CPED1: variants seen among roughly 807,000 people sequenced by gnomAD.
The protein encoded by CPED1 is cadherin like and PC-esterase domain containing 1.
In CPED1, 114 loss-of-function variants were observed where a neutral mutation model predicts 128.2. The ratio of observed to expected loss-of-function variants is 0.89; its 90% CI spans 0.76 to 1.04. The LOEUF (loss-of-function observed/expected upper bound fraction) is 1.04, where lower values mean the gene tolerates loss of function less well. Ranked by LOEUF, CPED1 falls within the 50% of genes least tolerant of loss-of-function variation. The pLI is 0.00. For missense variants in CPED1, 1,211 were observed against 1,207.1 expected (o/e 1.00, Z -0.05); for synonymous variants, 462 against 426.7 (o/e 1.08, Z -1.02).
At chr7:120,997,629 G>A (rs1157123749) in intron 2 of CPED1, among the ~76,000 whole-genome samples, 1 of 152,144 alleles carries the variant, frequency 6.6e-6, no homozygotes, top group East Asian at 1.9e-4. Flanking sequence ...GGTGTTATAG[G>A]AAGGCAGTAG....
At chr7:121,155,701 C>A (rs1362893184) in intron 16 of CPED1, among the ~76,000 whole-genome samples, 2 of 152,082 alleles carry the variant, frequency 1.3e-5, no homozygotes, top group Non-Finnish European at 2.9e-5. Context: ...ATGCAAAAAT[C>A]AAATCAAAAT....
At chr7:121,001,958 T>C (rs1433248361) in intron 2 of CPED1, among the ~76,000 whole-genome samples, 1 of 151,908 alleles carries the variant, frequency 6.6e-6, no homozygotes, top group Non-Finnish European at 1.5e-5. Context: ...AATATTCTCA[T>C]TGCATTTGGT....
intron 16 of CPED1, among the ~76,000 whole-genome samples, chr7:121,227,925 T>G (rs936313165): frequency 6.6e-6 from 1 of 152,106 alleles, no homozygotes; most frequent in East Asian, 1.9e-4. Context: ...TTGCAAAATA[T>G]TTTTGGAATA....
chr7:121,066,040 T>A (rs1367089800), intron 5 of CPED1, among the ~76,000 whole-genome samples: 2 of 152,156 alleles, frequency 1.3e-5, no homozygotes, highest in Non-Finnish European at 2.9e-5. Flanking sequence ...TAATTCAATA[T>A]TCACAAAATT....
At chr7:121,236,614 C>A (rs55979631) in intron 16 of CPED1, 100 bp from the exon 17 acceptor site, 5 of 600,644 alleles carry the variant, frequency 8.3e-6, no homozygotes, top group African/African-American at 1.9e-5. Context: ...TCCCTTTTAT[C>A]CATAAAGGTT....
chr7:121,113,533 A>G (rs1795163886), intron 7 of CPED1, among the ~76,000 whole-genome samples: 1 of 152,236 alleles, frequency 6.6e-6, no homozygotes, highest in African/African-American at 2.4e-5. Flanking sequence ...CCAAGACAGC[A>G]TGAATCATGC....
At chr7:121,266,572 A>G (rs2116746432) in intron 19 of CPED1, 125 bp downstream of exon 19, 1 of 1,163,760 alleles carries the variant, frequency 8.6e-7, no homozygotes, top group East Asian at 2.4e-5. Context: ...CAAGTAAGGC[A>G]GCAGAAAACA....
intron 16 of CPED1, among the ~76,000 whole-genome samples, chr7:121,216,314 A>C (rs1228706721): frequency 6.6e-6 from 1 of 151,952 alleles, no homozygotes; most frequent in Non-Finnish European, 1.5e-5. Flanking sequence ...AGCCATAAGG[A>C]AAAGGAGGAG....
chr7:120,997,946 ATAAAATAAAAT>A (rs1796437999), intron 2 of CPED1, among the ~76,000 whole-genome samples: 1 of 141,854 alleles, frequency 7.0e-6, no homozygotes, highest in African/African-American at 2.9e-5. Context: ...ATAAAATAAA[ATAAAATAAAAT>A]AAAATAAAAT....
At position 121,057,500 on chromosome 7, in the gene CPED1, A is replaced by T. The variant is rs563245500; in HGVS notation, c.541-6738A>T. On this transcript the variant is annotated intron_variant, in intron 4 of 22. Transcript: ENST00000310396. ...TTATGTCCATGAGTACCCAGTGTTT[A>T]GCTCCTACTTATAAGTGAGAACATG... Among the ~76,000 whole-genome samples the T allele has an allele frequency of 1.1e-3, 166 of 152,268 alleles. 1 individual carries two copies. Among genetic ancestry groups the T allele is most frequent in the Non-Finnish European group, 1.6e-3 (110 of 68,024 alleles).
chr7:121,182,087 C>T (rs532533889), intron 16 of CPED1, among the ~76,000 whole-genome samples: 5 of 152,016 alleles, frequency 3.3e-5, no homozygotes, highest in African/African-American at 7.2e-5. Flanking sequence ...ACCCTTCTAA[C>T]ATGTTGCATA....
chr7:121,258,028 T>A (rs1258257973), intron 18 of CPED1, among the ~76,000 whole-genome samples: 3 of 152,076 alleles, frequency 2.0e-5, no homozygotes, highest in Non-Finnish European at 4.4e-5. Flanking sequence ...GTAGGAAAAG[T>A]CTCAGGCTGG....
At chr7:121,176,196 A>G (rs78211853) in intron 16 of CPED1, among the ~76,000 whole-genome samples, 176 of 108,870 alleles carry the variant, frequency 1.6e-3, no homozygotes, top group African/African-American at 5.4e-3. Context: ...CCCGCTGGAA[A>G]AAAAAAAAAA....
chr7:121,261,859 A>G (rs1792025174), intron 18 of CPED1: 2 of 753,572 alleles, frequency 2.7e-6, no homozygotes, highest in African/African-American at 1.8e-5. Context: ...TACAGGGACT[A>G]TGCAACCAAG....
chr7:121,099,906 ATG>A lies in CPED1; in HGVS notation c.750-18_750-17del, dbSNP rs2116223190. On this transcript the variant is annotated intron_variant, in intron 6 of 22. Coordinates refer to ENST00000310396, the MANE Select transcript of CPED1 (RefSeq NM_024913.5). ...AACCCTACATTATGGAGCGCTAACT[ATG>A]TTTTTTTTTTTTTTTAGGAATGAAA... 3.7e-6 allele frequency: 5 copies of A among 1,363,084 alleles called. No individual in the cohort carries two copies. The highest frequency in any genetic ancestry group is 4.9e-6 in the Non-Finnish European group (5 of 1,011,910). The allele number at this position is 1,363,084 out of a possible 1,614,324, so 84.4% of individuals were successfully genotyped here. A position where few individuals can be genotyped will look rare whatever the true frequency, so the allele number is the denominator to read the frequency against.
chr7:121,222,467 G>T (rs1223543041), intron 16 of CPED1, among the ~76,000 whole-genome samples: 1 of 151,650 alleles, frequency 6.6e-6, no homozygotes, highest in African/African-American at 2.4e-5. Flanking sequence ...ATGAATTTTA[G>T]AGTACTTTTT....
chr7:121,219,464 T>C (rs979704018), intron 16 of CPED1, among the ~76,000 whole-genome samples: 1 of 152,062 alleles, frequency 6.6e-6, no homozygotes, highest in Non-Finnish European at 1.5e-5. Flanking sequence ...AGATTTGGAA[T>C]GCATGAGAAA....
Position 121,223,303 on chromosome 7 carries a change from A to T in CPED1, c.2056-13411A>T, listed in dbSNP as rs535634923. ...GAACCAGCCTTGCATCCCAGGGATG[A>T]AGCCAACTTGATCGTGATGGATAAA... On this transcript the variant is annotated intron_variant, in intron 16 of 22. Coordinates refer to ENST00000310396, the MANE Select transcript of CPED1 (RefSeq NM_024913.5). Among the ~76,000 whole-genome samples the T allele has an allele frequency of 1.7e-4, 26 of 152,324 alleles. No homozygotes were observed. The South Asian group carries it at 5.4e-3, about 32-fold the overall frequency.
chr7:121,128,371 T>C lies in CPED1; in HGVS notation c.1303-11T>C. 1 of 1,449,364 alleles carries C rather than the reference T, an allele frequency of 6.9e-7. No individual in the cohort carries two copies. The allele number at this position is 1,449,364 out of a possible 1,614,324, so 89.8% of individuals were successfully genotyped here. On this transcript the variant is annotated splice_polypyrimidine_tract_variant and intron_variant, in intron 10 of 22. Transcript: ENST00000310396. ...AACAATTGCTTAAGTTCTTTCCCCCTACCAATACAGGGTGAAAACTATCAA... is the reference window on the plus strand; with the variant it reads ...AACAATTGCTTAAGTTCTTTCCCCCCACCAATACAGGGTGAAAACTATCAA...
Sources: allele counts gnomAD v4.1 joint callset (sites outside exome capture counted in the v4.1 genomes callset), GRCh38; gene constraint gnomAD v4.1.1; transcripts MANE v1.5; gene names NCBI Gene and HGNC (gene_info 2026-07-23, HGNC 2026-07-21).